Variants in CSMD1 observed in about 807,000 individuals in gnomAD.
CSMD1 encodes the protein CUB and Sushi multiple domains 1.
In CSMD1, 213 loss-of-function variants were observed where a neutral mutation model predicts 417.5. The observed-to-expected ratio is 0.51, with a 90% CI of 0.46 to 0.57. The LOEUF (loss-of-function observed/expected upper bound fraction) is 0.57. Ranked by LOEUF, CSMD1 falls within the 20% of genes least tolerant of loss-of-function variation. The probability of loss-of-function intolerance (pLI) is 0.00; values close to 1 mark genes in which losing one functional copy is unlikely to be tolerated. For missense variants in CSMD1, 6,923 were observed against 4,529.7 expected, an observed-to-expected ratio of 1.53 and a Z score of -15.17; for synonymous variants, 2,862 against 1,736.8, an observed-to-expected ratio of 1.65 and a Z score of -16.11.
intron 3 of CSMD1, among the ~76,000 whole-genome samples, chr8:4,047,418 T>C (rs1438873747): frequency 6.6e-6 from 1 of 152,136 alleles, no homozygotes; most frequent in Non-Finnish European, 1.5e-5. Flanking sequence ...AAAAATAAAT[T>C]GAAATTAAAA....
chr8:3,798,846 C>T (rs1047360132), intron 5 of CSMD1, among the ~76,000 whole-genome samples: 2 of 151,732 alleles, frequency 1.3e-5, no homozygotes, highest in African/African-American at 2.4e-5. Flanking sequence ...TTGTATTTTC[C>T]TACTCTTTCC....
intron 10 of CSMD1, among the ~76,000 whole-genome samples, chr8:3,544,675 G>A (rs1488228430): frequency 6.6e-6 from 1 of 152,114 alleles, no homozygotes; most frequent in African/African-American, 2.4e-5. Flanking sequence ...GACTTGCCTG[G>A]AGCTATTCAG....
chr8:3,216,323 A>T (rs558223273), intron 29 of CSMD1, among the ~76,000 whole-genome samples: 4 of 152,128 alleles, frequency 2.6e-5, no homozygotes, highest in Non-Finnish European at 4.4e-5. Flanking sequence ...AGTTTTTCTG[A>T]TATTTTATTT....
chr8:4,080,142 A>C lies in CSMD1; in HGVS notation c.416-48043T>G, dbSNP rs1409359361. ...TACACCCCCATAGGTACACCTGCTC[A>C]GTTTGCAATTTACAAGCCATGCATT... On this transcript the variant is annotated intron_variant, in intron 3 of 69. Coordinates refer to ENST00000635120, the MANE Select transcript of CSMD1 (RefSeq NM_033225.6). 2.0e-5 allele frequency among the ~76,000 whole-genome samples: 3 copies of C among 152,024 alleles called. No individual in the cohort carries two copies. In the East Asian group the frequency reaches 5.8e-4, roughly 29 times the overall value.
chr8:4,759,923 T>A (rs1052887884), intron 1 of CSMD1, among the ~76,000 whole-genome samples: 5 of 152,240 alleles, frequency 3.3e-5, no homozygotes, highest in African/African-American at 1.2e-4. Flanking sequence ...TTTGGGTATA[T>A]ACCTAAACAT....
At chr8:4,891,757 C>A (rs1187548897) in intron 1 of CSMD1, among the ~76,000 whole-genome samples, 1 of 152,028 alleles carries the variant, frequency 6.6e-6, no homozygotes, top group African/African-American at 2.4e-5. Flanking sequence ...TCCCAAAACT[C>A]CCTAGTTATT....
chr8:4,410,821 G>C (rs1796612831), intron 3 of CSMD1, among the ~76,000 whole-genome samples: 1 of 152,148 alleles, frequency 6.6e-6, no homozygotes, highest in African/African-American at 2.4e-5. Context: ...AATATGGTTT[G>C]TCTCCACCAA....
intron 2 of CSMD1, among the ~76,000 whole-genome samples, chr8:4,533,951 T>A (rs139327409): frequency 6.7e-6 from 1 of 148,976 alleles, no homozygotes; most frequent in Non-Finnish European, 1.5e-5. Flanking sequence ...TACATATTTA[T>A]ATATATAAAT....
At chr8:3,668,573 C>T (rs1378649487) in intron 7 of CSMD1, among the ~76,000 whole-genome samples, 1 of 152,044 alleles carries the variant, frequency 6.6e-6, no homozygotes, top group Admixed American at 6.5e-5. Context: ...GGGATCAAGC[C>T]TGGTCCTTAC....
At chr8:4,462,007 C>A (rs1187951411) in intron 2 of CSMD1, among the ~76,000 whole-genome samples, 2 of 152,010 alleles carry the variant, frequency 1.3e-5, no homozygotes, top group African/African-American at 4.8e-5. Context: ...TCCCAAATTG[C>A]TGGGATTACA....
At chr8:3,891,010 G>A (rs959936768) in intron 5 of CSMD1, among the ~76,000 whole-genome samples, 6 of 151,820 alleles carry the variant, frequency 4.0e-5, no homozygotes, top group African/African-American at 1.5e-4. Flanking sequence ...GGAAAATGAA[G>A]GCCGTGAAAT....
intron 6 of CSMD1, among the ~76,000 whole-genome samples, chr8:3,752,310 G>T (rs146691626): frequency 6.6e-6 from 1 of 152,068 alleles, no homozygotes; most frequent in African/African-American, 2.4e-5. Flanking sequence ...AGAACCTTCC[G>T]GCAACATCAG....
At chr8:3,983,842 G>A (rs911130233) in intron 5 of CSMD1, among the ~76,000 whole-genome samples, 2 of 152,084 alleles carry the variant, frequency 1.3e-5, no homozygotes, top group South Asian at 4.2e-4. Flanking sequence ...GATCTGGCCG[G>A]CTGTCAATTG....
intron 9 of CSMD1, among the ~76,000 whole-genome samples, chr8:3,575,742 G>A (rs979857706): frequency 4.6e-5 from 7 of 151,720 alleles, no homozygotes; most frequent in East Asian, 1.9e-4. Context: ...TCTTAAAGTT[G>A]AAATGAAAGA....
chr8:4,955,691 G>A (rs1809054078), intron 1 of CSMD1, among the ~76,000 whole-genome samples: 2 of 147,278 alleles, frequency 1.4e-5, no homozygotes, highest in South Asian at 4.4e-4. Flanking sequence ...CCTGACCTCA[G>A]GTGATCCACC....
chr8:3,718,613 G>A (rs764458406), intron 6 of CSMD1, among the ~76,000 whole-genome samples: 5 of 152,168 alleles, frequency 3.3e-5, no homozygotes, highest in Non-Finnish European at 7.3e-5. Context: ...TGAAGTTATA[G>A]TATTACATGA....
chr8:3,173,026 C>G (rs921336163), intron 37 of CSMD1, among the ~76,000 whole-genome samples: 2 of 152,154 alleles, frequency 1.3e-5, no homozygotes, highest in Non-Finnish European at 2.9e-5. Flanking sequence ...ACCCCTACCC[C>G]TGCCTTGTCA....
At chr8:4,067,243 CAG>C (rs1000069160) in intron 3 of CSMD1, among the ~76,000 whole-genome samples, 12 of 152,282 alleles carry the variant, frequency 7.9e-5, no homozygotes, top group Non-Finnish European at 1.8e-4. Context: ...ATGTTCAAGA[CAG>C]ATAATTATGA....
chr8:4,536,390 T>A (rs1258437508), intron 2 of CSMD1, among the ~76,000 whole-genome samples: 1 of 152,190 alleles, frequency 6.6e-6, no homozygotes, highest in Non-Finnish European at 1.5e-5. Context: ...CTTACAATTT[T>A]AAATTTAATC....
Sources: gnomAD v4.1 joint callset for allele counts (sites outside exome capture counted in the v4.1 genomes callset) on GRCh38, gnomAD v4.1.1 for gene constraint, MANE v1.5 for transcripts, NCBI Gene and HGNC (gene_info 2026-07-23, HGNC 2026-07-21) for gene names.